Variants in TAOK1 observed in about 807,000 individuals in gnomAD.
The protein encoded by TAOK1 is serine/threonine-protein kinase TAO1.
A neutral mutation model predicts 138.3 loss-of-function variants in TAOK1; 21 were observed. The ratio of observed to expected loss-of-function variants is 0.15; its 90% CI spans 0.11 to 0.22. The LOEUF (loss-of-function observed/expected upper bound fraction) is 0.22. Ranked by LOEUF, TAOK1 falls within the 10% of genes least tolerant of loss-of-function variation. The pLI is 1.00. For synonymous variants in TAOK1, 361 were observed against 398.4 expected, an observed-to-expected ratio of 0.91 and a Z score of 1.12; for missense variants, 651 against 1,227.7, an observed-to-expected ratio of 0.53 and a Z score of 7.02.
chr17:29,414,529 C>G (rs1413241289), intron 1 of TAOK1, among the ~76,000 whole-genome samples: 1 of 151,818 alleles, frequency 6.6e-6, no homozygotes, highest in African/African-American at 2.4e-5. Flanking sequence ...GGATTACAGG[C>G]GTGAACCACT....
intron 18 of TAOK1, 99 bp downstream of exon 18, chr17:29,530,718 G>A: frequency 1.0e-6 from 1 of 1,000,154 alleles, no homozygotes; most frequent in South Asian, 1.4e-5. Flanking sequence ...GGAAATGATA[G>A]CTCTCCTGAA....
At chr17:29,432,306 GATCACTC>G in intron 1 of TAOK1, among the ~76,000 whole-genome samples, 1 of 152,358 alleles carries the variant, frequency 6.6e-6, no homozygotes, top group Non-Finnish European at 1.5e-5. Flanking sequence ...TTAAGGCACA[GATCACTC>G]ATGGTATTGT....
intron 1 of TAOK1, among the ~76,000 whole-genome samples, chr17:29,394,159 T>G (rs1029140393): frequency 7.4e-5 from 8 of 108,324 alleles, no homozygotes; most frequent in African/African-American, 1.3e-4. Context: ...AGTTTTTTTT[T>G]TTTTTTTTTT....
chr17:29,477,493 T>G (rs2030970804), intron 4 of TAOK1, among the ~76,000 whole-genome samples, 168 bp from the exon 5 acceptor site: 1 of 151,654 alleles, frequency 6.6e-6, no homozygotes, highest in African/African-American at 2.4e-5. Context: ...ATTTTAAAAA[T>G]ATATTATTCT....
Position 29,502,626 on chromosome 17 carries a change from C to T in TAOK1, c.1241C>T (p.Thr414Ile). ...ENYREEGDPR[T>I]RASDPQSPPQ... ...TACAGAGAAGAGGGAGATCCTAGAA[C>T]AAGAGCATCAGATCCACAATCTCCA... Residue 414 changes from threonine (T) to isoleucine (I), a missense_variant, in exon 13 of 20, where the codon ACA (threonine) becomes ATA (isoleucine). This residue lies in a region of TAOK1 where 104 missense variants were observed against 151.7 expected (regional missense o/e 0.69). Transcript: ENST00000261716. 2 of 1,612,290 alleles carry T rather than the reference C, an allele frequency of 1.2e-6. No homozygotes were observed. Among genetic ancestry groups the T allele is most frequent in the East Asian group, 4.5e-5 (2 of 44,794 alleles).
chr17:29,413,881 C>CTTTT lies in TAOK1; in HGVS notation c.-95+22875_-95+22878dup, dbSNP rs34539579. 6.3e-3 allele frequency among the ~76,000 whole-genome samples: 632 copies of CTTTT among 101,120 alleles called. 4 individuals carry two copies. Among genetic ancestry groups the CTTTT allele is most frequent in the East Asian group, 0.016 (48 of 3,042 alleles). The allele number at this position is 101,120 out of a possible 152,430, so 66.3% of individuals were successfully genotyped here. On this transcript the variant is annotated intron_variant, in intron 1 of 19. Transcript: ENST00000261716. ...ATATTTGACCTTTTGTTTCTGGCTT[C>CTTTT]TTTTTTTTTTTTTTTTTTTTTGAGA...
At chr17:29,481,469 C>T (rs192042395) in intron 7 of TAOK1, among the ~76,000 whole-genome samples, 6 of 151,712 alleles carry the variant, frequency 4.0e-5, no homozygotes, top group African/African-American at 9.7e-5. Context: ...GGATTACAGG[C>T]GTGAACCACT....
chr17:29,508,557 G>A (rs2031665756), intron 14 of TAOK1, among the ~76,000 whole-genome samples: 2 of 152,084 alleles, frequency 1.3e-5, no homozygotes, highest in South Asian at 2.1e-4. Flanking sequence ...GTTACTTTAA[G>A]CTTTTTGTTT....
At chr17:29,437,774 C>T (rs1906080501) in intron 1 of TAOK1, among the ~76,000 whole-genome samples, 1 of 141,828 alleles carries the variant, frequency 7.1e-6, no homozygotes. Flanking sequence ...CACTCTGTCA[C>T]CCGGGCTGTA....
chr17:29,464,793 T>A (rs1210098238), intron 2 of TAOK1, among the ~76,000 whole-genome samples: 2 of 151,878 alleles, frequency 1.3e-5, no homozygotes, highest in Non-Finnish European at 2.9e-5. Flanking sequence ...ACTGTACTCA[T>A]GTAGCAGAAC....
intron 19 of TAOK1, among the ~76,000 whole-genome samples, chr17:29,542,080 T>C (rs1404531110): frequency 6.6e-6 from 1 of 152,050 alleles, no homozygotes; most frequent in African/African-American, 2.4e-5. Flanking sequence ...GGTTTCACCA[T>C]GTTAGCCAGG....
intron 1 of TAOK1, among the ~76,000 whole-genome samples, chr17:29,446,965 C>G (rs2030096509): frequency 6.6e-6 from 1 of 151,546 alleles, no homozygotes; most frequent in African/African-American, 2.4e-5. Flanking sequence ...GTCTCAAACT[C>G]CTGACTAGGG....
chr17:29,446,271 A>G (rs9891920), intron 1 of TAOK1, among the ~76,000 whole-genome samples: 98,077 of 151,810 alleles, frequency 0.65, 33,524 homozygotes, highest in East Asian at 0.97. Context: ...CTATTTCACT[A>G]ATTTCTATTC....
intron 8 of TAOK1, among the ~76,000 whole-genome samples, chr17:29,484,252 A>G (rs2031121722): frequency 6.6e-6 from 1 of 152,236 alleles, no homozygotes; most frequent in African/African-American, 2.4e-5. Context: ...AATATTTGAA[A>G]TAATTTCTTA....
At chr17:29,409,437 C>T (rs1377401835) in intron 1 of TAOK1, among the ~76,000 whole-genome samples, 1 of 149,382 alleles carries the variant, frequency 6.7e-6, no homozygotes, top group Non-Finnish European at 1.5e-5. Flanking sequence ...CAGGTTCATG[C>T]CATTCTCCTG....
intron 2 of TAOK1, among the ~76,000 whole-genome samples, chr17:29,454,120 A>G (rs954103221): frequency 6.6e-6 from 1 of 151,876 alleles, no homozygotes; most frequent in African/African-American, 2.4e-5. Flanking sequence ...CCTGGCCCCA[A>G]CTTCATTCTT....
Position 29,510,916 on chromosome 17 carries a change from A to G in TAOK1, c.1628A>G (p.Gln543Arg). 3 of 1,611,828 alleles carry G rather than the reference A, an allele frequency of 1.9e-6. No homozygotes were observed. Among genetic ancestry groups the G allele is most frequent in the Non-Finnish European group, 2.5e-6 (3 of 1,178,986 alleles). Residue 543 changes from glutamine to arginine, a missense_variant, in exon 15 of 20, where the codon CAA (glutamine) becomes CGA (arginine). Around this residue, in one of 8 missense-constraint regions of TAOK1, gnomAD observed 258 missense variants for 548.9 expected, o/e 0.47. Transcript: ENST00000261716. Reference sequence around the variant, plus strand: ...AAATTTCAGCAACATATTCAGGCCCAACAGAAGAAAGAACTGAATAGTTTT... The same window carrying G: ...AAATTTCAGCAACATATTCAGGCCCGACAGAAGAAAGAACTGAATAGTTTT... ...EKKFQQHIQA[Q>R]QKKELNSFLE... is the part of the protein sequence containing the mutation.
At chr17:29,473,156 C>G (rs778326889) in intron 3 of TAOK1, among the ~76,000 whole-genome samples, 5 of 152,136 alleles carry the variant, frequency 3.3e-5, no homozygotes, top group Non-Finnish European at 7.4e-5. Context: ...CAAGCACAGG[C>G]AGAGTAGGAG....
intron 7 of TAOK1, among the ~76,000 whole-genome samples, chr17:29,481,926 C>T (rs1430317929): frequency 2.0e-5 from 3 of 152,212 alleles, no homozygotes; most frequent in South Asian, 2.1e-4. Flanking sequence ...CGCCACTGCA[C>T]TCCAGCCTGG....
Sources: allele counts gnomAD v4.1 joint callset (sites outside exome capture counted in the v4.1 genomes callset), GRCh38; gene constraint gnomAD v4.1.1; regional missense constraint gnomAD v4.1.1; transcripts MANE v1.5; gene names NCBI Gene and HGNC (gene_info 2026-07-23, HGNC 2026-07-21).